Variants in CDC42BPA observed in about 807,000 individuals in gnomAD.
The protein encoded by CDC42BPA is CDC42 binding protein kinase alpha.
In CDC42BPA, 80 loss-of-function variants were observed where a neutral mutation model predicts 223.5. That is an observed-to-expected ratio of 0.36 (90% CI 0.30 to 0.43). CDC42BPA has a LOEUF of 0.43. Ranked by LOEUF, CDC42BPA falls within the 20% of genes least tolerant of loss-of-function variation. The pLI, the probability that CDC42BPA is intolerant of heterozygous loss-of-function variation, is 1.00. For missense variants in CDC42BPA, 1,743 were observed against 2,099.9 expected (o/e 0.83, Z 3.32); for synonymous variants, 694 against 718.6 (o/e 0.97, Z 0.55).
intron 1 of CDC42BPA, among the ~76,000 whole-genome samples, chr1:227,291,464 G>C (rs375873235): frequency 6.6e-6 from 1 of 152,072 alleles, no homozygotes; most frequent in Non-Finnish European, 1.5e-5. Context: ...CAGGAGAATC[G>C]CTTGAATCCA....
chr1:227,273,435 C>T (rs1483121204), intron 1 of CDC42BPA, among the ~76,000 whole-genome samples: 4 of 151,418 alleles, frequency 2.6e-5, no homozygotes, highest in Non-Finnish European at 4.4e-5. Context: ...GGCGTGGTGG[C>T]GCATGCCTGT....
intron 23 of CDC42BPA, 121 bp from the exon 24 acceptor site, chr1:227,040,357 C>T: frequency 4.8e-6 from 3 of 627,490 alleles, no homozygotes; most frequent in South Asian, 4.1e-5. Context: ...GAATTATTTC[C>T]ATTTCTCATT....
At chr1:227,125,602 TA>T (rs78634914) in intron 11 of CDC42BPA, among the ~76,000 whole-genome samples, 15,729 of 117,552 alleles carry the variant, frequency 0.13, 1,494 homozygotes, top group African/African-American at 0.28. Flanking sequence ...GTCTACAAAT[TA>T]AAAAAAAAAA....
Position 227,139,750 on chromosome 1 carries a change from A to T in CDC42BPA, c.1224-8T>A. 1 of 1,499,632 alleles carries T rather than the reference A, an allele frequency of 6.7e-7. No homozygotes were observed. Among genetic ancestry groups the T allele is most frequent in the Non-Finnish European group, 8.9e-7 (1 of 1,128,840 alleles). The allele number at this position is 1,499,632 out of a possible 1,614,324, so 92.9% of individuals were successfully genotyped here. A position where few individuals can be genotyped will look rare whatever the true frequency, so the allele number is the denominator to read the frequency against. On this transcript the variant is annotated splice_polypyrimidine_tract_variant and splice_region_variant and intron_variant, in intron 9 of 36. Coordinates refer to ENST00000366766, the MANE Select transcript of CDC42BPA (RefSeq NM_001394014.1). Reference sequence around the variant, plus strand: ...CTCCGATCAGAAAGTACACTGAAGAAAAGAAAAAAAAATGTAGGTTCATAC... The same window carrying T: ...CTCCGATCAGAAAGTACACTGAAGATAAGAAAAAAAAATGTAGGTTCATAC...
chr1:227,260,701 C>T (rs1279247476), intron 1 of CDC42BPA, among the ~76,000 whole-genome samples: 1 of 151,116 alleles, frequency 6.6e-6, no homozygotes, highest in Non-Finnish European at 1.5e-5. Flanking sequence ...TTTTAACCTT[C>T]CCTTCACCCA....
chr1:227,143,795 A>C (rs144770278), intron 8 of CDC42BPA, among the ~76,000 whole-genome samples: 147 of 152,348 alleles, frequency 9.6e-4, no homozygotes, highest in Non-Finnish European at 1.8e-3. Context: ...AGAGGCTCAC[A>C]GAAACCTAAC....
At chr1:227,036,182 A>G (rs1329814768) in intron 24 of CDC42BPA, among the ~76,000 whole-genome samples, 1 of 152,206 alleles carries the variant, frequency 6.6e-6, no homozygotes, top group East Asian at 1.9e-4. Flanking sequence ...TTCTATAACA[A>G]TCTAAGAGAG....
chr1:227,248,651 C>CA (rs1209823597), intron 2 of CDC42BPA, among the ~76,000 whole-genome samples: 1 of 151,802 alleles, frequency 6.6e-6, no homozygotes, highest in African/African-American at 2.4e-5. Flanking sequence ...TTGTCCCCTA[C>CA]AAAAAAATGT....
chr1:227,001,415 G>C (rs1662823868), intron 35 of CDC42BPA, among the ~76,000 whole-genome samples: 1 of 152,196 alleles, frequency 6.6e-6, no homozygotes, highest in African/African-American at 2.4e-5. Flanking sequence ...CGCCAGGCCA[G>C]CTCCAGTCTG....
Position 227,177,134 on chromosome 1 carries a change from A to T in CDC42BPA, c.600-16498T>A, listed in dbSNP as rs940136014. Among the ~76,000 whole-genome samples the T allele has an allele frequency of 7.2e-3, 786 of 109,676 alleles. 6 individuals are homozygous for T. The highest frequency in any genetic ancestry group is 0.026 in the African/African-American group (706 of 27,328). The allele number at this position is 109,676 out of a possible 152,430, so 72.0% of individuals were successfully genotyped here. ...TATATTTTAAAGATGTAAGAAAAAA[A>T]AAATATATATATATACAGTATTTCA... is the stretch of plus-strand genomic sequence containing the variant. On this transcript the variant is annotated intron_variant, in intron 5 of 36. Coordinates refer to ENST00000366766, the MANE Select transcript of CDC42BPA (RefSeq NM_001394014.1).
chr1:227,304,018 G>C (rs1245810922), intron 1 of CDC42BPA, among the ~76,000 whole-genome samples: 1 of 152,082 alleles, frequency 6.6e-6, no homozygotes, highest in African/African-American at 2.4e-5. Context: ...TTAAATAGCA[G>C]CACCCTCTTC....
chr1:227,103,742 G>C (rs913926807), intron 14 of CDC42BPA, among the ~76,000 whole-genome samples: 5 of 152,032 alleles, frequency 3.3e-5, no homozygotes, highest in Non-Finnish European at 5.9e-5. Flanking sequence ...AAATGAAATT[G>C]GAATCACCAG....
chr1:227,129,136 TTTC>T lies in CDC42BPA; in HGVS notation c.1483_1485del (p.Glu495del). The T allele has an allele frequency of 6.7e-7, 1 of 1,492,032 alleles. No homozygotes were observed. The highest frequency in any genetic ancestry group is 2.3e-5 in the East Asian group (1 of 44,282). 92.4% of individuals were successfully genotyped at this position (1,492,032 alleles called of 1,614,324 possible). A position where few individuals can be genotyped will look rare whatever the true frequency, so the allele number is the denominator to read the frequency against. ...GTTACTTGTTTTCTTAGTTTTTCAA[TTTC>T]TTCTTTTAAGTTTTTTATTTCTAAA... On this transcript the variant is annotated inframe_deletion, in exon 11 of 37. Coordinates refer to ENST00000366766, the MANE Select transcript of CDC42BPA (RefSeq NM_001394014.1).
intron 1 of CDC42BPA, among the ~76,000 whole-genome samples, chr1:227,275,929 A>G (rs1170635134): frequency 6.8e-6 from 1 of 146,278 alleles, no homozygotes; most frequent in African/African-American, 2.5e-5. Context: ...GCTGGAGTGC[A>G]GTGGCCTGAT....
At chr1:227,011,200 CT>C in intron 34 of CDC42BPA, 1 of 251,568 alleles carries the variant, frequency 4.0e-6, no homozygotes. Context: ...ACTTTTAGGT[CT>C]TAGAAAGTTA....
chr1:227,016,521 G>A (rs1666292753), intron 33 of CDC42BPA, among the ~76,000 whole-genome samples: 1 of 152,042 alleles, frequency 6.6e-6, no homozygotes, highest in African/African-American at 2.4e-5. Context: ...TTTAGAAACG[G>A]TCTTATATAT....
chr1:227,025,540 C>G (rs1246802767), intron 31 of CDC42BPA, among the ~76,000 whole-genome samples: 2 of 151,976 alleles, frequency 1.3e-5, no homozygotes, highest in Non-Finnish European at 2.9e-5. Context: ...TGTAAAAATT[C>G]TCTTTGTTAT....
chr1:227,113,537 AAAC>A (rs1344919168), intron 12 of CDC42BPA, among the ~76,000 whole-genome samples: 1 of 152,214 alleles, frequency 6.6e-6, no homozygotes, highest in African/African-American at 2.4e-5. Flanking sequence ...CAAACAACAA[AAAC>A]AATAAAAATA....
intron 10 of CDC42BPA, among the ~76,000 whole-genome samples, chr1:227,135,229 A>G (rs1295899501): frequency 6.6e-6 from 1 of 152,200 alleles, no homozygotes; most frequent in Non-Finnish European, 1.5e-5. Context: ...GTCCCTAAGC[A>G]TATGGTGCTT....
Sources: gnomAD v4.1 joint callset for allele counts (sites outside exome capture counted in the v4.1 genomes callset) on GRCh38, gnomAD v4.1.1 for gene constraint, MANE v1.5 for transcripts, NCBI Gene and HGNC (gene_info 2026-07-23, HGNC 2026-07-21) for gene names.